Variants in KLRF2 observed in about 807,000 individuals in gnomAD.
The protein encoded by KLRF2 is killer cell lectin like receptor F2, also known as killer cell lectin-like receptor subfamily F member 2.
A neutral mutation model predicts 25.3 loss-of-function variants in KLRF2; 28 were observed. That is an observed-to-expected ratio of 1.11 (90% CI 0.82 to 1.52). The LOEUF (loss-of-function observed/expected upper bound fraction) is 1.52. KLRF2 is among the 40% of genes most tolerant of loss of function. The probability of loss-of-function intolerance (pLI) is 0.00; values close to 1 mark genes in which losing one functional copy is unlikely to be tolerated. For missense variants in KLRF2, 265 were observed against 245.8 expected, an observed-to-expected ratio of 1.08 and a Z score of -0.52; for synonymous variants, 73 against 85.0, an observed-to-expected ratio of 0.86 and a Z score of 0.78.
Position 9,888,745 on chromosome 12 carries a change from A to G in KLRF2, c.182A>G (p.Asp61Gly). The change falls in exon 3 of 6, where the codon GAT (aspartate) becomes GGT (glycine). Residue 61 changes from aspartate to glycine, a missense_variant. Asp to Gly is a moderately conservative substitution (Grantham distance 94). Coordinates refer to ENST00000535540, the MANE Select transcript of KLRF2 (RefSeq NM_001190765.1). Reference sequence around the variant, plus strand: ...GCACTGAGTACAGATAAAAAAATGGATTTCTCCCAGAATGTAAACGTCAGC... The same window carrying G: ...GCACTGAGTACAGATAAAAAAATGGGTTTCTCCCAGAATGTAAACGTCAGC... The part of the protein sequence containing the change: ...IDLKFWHKKM[D>G]FSQNVNVSSL... 2 of 1,501,618 alleles carry G rather than the reference A, an allele frequency of 1.3e-6. No individual in the cohort carries two copies. Among genetic ancestry groups the G allele is most frequent in the Non-Finnish European group, 1.8e-6 (2 of 1,115,770 alleles). The allele number at this position is 1,501,618 out of a possible 1,614,324, so 93.0% of individuals were successfully genotyped here.
intron 3 of KLRF2, among the ~76,000 whole-genome samples, chr12:9,889,210 C>G (rs548657361): frequency 6.6e-6 from 1 of 152,228 alleles, no homozygotes; most frequent in South Asian, 2.1e-4. Context: ...GTTTTTTAAA[C>G]TTTCAAATGA....
At chr12:9,893,567 G>T (rs1016466770) in intron 5 of KLRF2, 26 bp downstream of exon 5, 3 of 873,774 alleles carry the variant, frequency 3.4e-6, no homozygotes, top group African/African-American at 1.7e-5. Flanking sequence ...TAAGGGAGGG[G>T]TGCTAATGTT....
intron 1 of KLRF2, among the ~76,000 whole-genome samples, chr12:9,882,026 G>A (rs1036847180): frequency 2.0e-5 from 3 of 151,684 alleles, no homozygotes; most frequent in East Asian, 1.9e-4. Flanking sequence ...ATATATTTAT[G>A]CTTATACATA....
chr12:9,889,255 T>G (rs905428916), intron 3 of KLRF2, among the ~76,000 whole-genome samples: 1 of 152,214 alleles, frequency 6.6e-6, no homozygotes, highest in Non-Finnish European at 1.5e-5. Context: ...ACAGAATATT[T>G]CATGTAGATT....
chr12:9,894,044 T>G (rs1388675444), intron 5 of KLRF2, among the ~76,000 whole-genome samples: 1 of 151,930 alleles, frequency 6.6e-6, no homozygotes, highest in African/African-American at 2.4e-5. Context: ...TTCTTTTTCT[T>G]TCTTTCTTTC....
chr12:9,890,320 G>A (rs1270225943), intron 3 of KLRF2, among the ~76,000 whole-genome samples: 4 of 152,164 alleles, frequency 2.6e-5, no homozygotes, highest in Admixed American at 6.5e-5. Flanking sequence ...GTCAGGGCAC[G>A]TTTAATTAAG....
chr12:9,892,949 C>T, intron 3 of KLRF2, 71 bp from the exon 4 acceptor site: 3 of 1,224,480 alleles, frequency 2.5e-6, no homozygotes, highest in Non-Finnish European at 3.3e-6. Flanking sequence ...CAAGTAGTCA[C>T]ATTTGATAAT....
chr12:9,895,673 G>C lies in KLRF2; in HGVS notation c.480-16G>C. On this transcript the variant is annotated splice_polypyrimidine_tract_variant and intron_variant, in intron 5 of 5. Coordinates refer to ENST00000535540, the MANE Select transcript of KLRF2 (RefSeq NM_001190765.1). ...TTTTAAGATAAATGCTGAAAAATCT[G>C]TCCTTTGTCTCTTAGGTTTTCAGTG... 1 of 1,504,546 alleles carries C rather than the reference G, an allele frequency of 6.6e-7. No homozygotes were observed. Among genetic ancestry groups the C allele is most frequent in the Non-Finnish European group, 8.8e-7 (1 of 1,136,404 alleles). The allele number at this position is 1,504,546 out of a possible 1,614,324, so 93.2% of individuals were successfully genotyped here. A position where few individuals can be genotyped will look rare whatever the true frequency, so the allele number is the denominator to read the frequency against.
At chr12:9,888,212 C>T (rs530789792) in intron 2 of KLRF2, among the ~76,000 whole-genome samples, 31 of 151,558 alleles carry the variant, frequency 2.0e-4, no homozygotes, top group African/African-American at 6.5e-4. Context: ...AATTGCAGGC[C>T]GGGCATGGTG....
intron 2 of KLRF2, among the ~76,000 whole-genome samples, 198 bp downstream of exon 2, chr12:9,885,230 C>A (rs913880132): frequency 6.6e-6 from 1 of 151,350 alleles, no homozygotes. Context: ...TATAAAGAAC[C>A]CCCAATAGAG....
chr12:9,884,811 C>T (rs1868132411), intron 1 of KLRF2, 123 bp from the exon 2 acceptor site: 4 of 379,358 alleles, frequency 1.1e-5, no homozygotes. Context: ...TTTAGATTTT[C>T]ATTTAATCAT....
intron 1 of KLRF2, among the ~76,000 whole-genome samples, chr12:9,883,092 G>A (rs1473719826): frequency 1.3e-5 from 2 of 152,182 alleles, no homozygotes; most frequent in African/African-American, 4.8e-5. Flanking sequence ...AAAAATTACT[G>A]TAGGCATGTT....
chr12:9,891,122 C>T (rs879675184), intron 3 of KLRF2, among the ~76,000 whole-genome samples: 53 of 149,462 alleles, frequency 3.5e-4, no homozygotes, highest in Admixed American at 6.0e-4. Context: ...TCTGAATTTT[C>T]CTTTTCATAT....
intron 3 of KLRF2, among the ~76,000 whole-genome samples, chr12:9,890,209 A>G (rs1408991853): frequency 6.6e-6 from 1 of 152,202 alleles, no homozygotes; most frequent in Non-Finnish European, 1.5e-5. Context: ...CAATCTCACT[A>G]TAACTCCTGC....
chr12:9,891,108 A>T (rs1862671599), intron 3 of KLRF2, among the ~76,000 whole-genome samples: 2 of 149,256 alleles, frequency 1.3e-5, no homozygotes, highest in Non-Finnish European at 3.0e-5. Flanking sequence ...ACAATTTCTC[A>T]TATTCTGAAT....
chr12:9,892,615 G>T (rs189202928), intron 3 of KLRF2, among the ~76,000 whole-genome samples: 6 of 117,728 alleles, frequency 5.1e-5, no homozygotes, highest in African/African-American at 2.0e-4. Context: ...ACAGAGTTTC[G>T]CTCTTGTTGC....
chr12:9,884,632 T>G (rs1868130841), intron 1 of KLRF2, among the ~76,000 whole-genome samples: 1 of 148,896 alleles, frequency 6.7e-6, no homozygotes, highest in South Asian at 2.1e-4. Context: ...ATAACAAATA[T>G]TTATATCATA....
At chr12:9,883,728 A>T (rs1868119049) in intron 1 of KLRF2, among the ~76,000 whole-genome samples, 1 of 152,216 alleles carries the variant, frequency 6.6e-6, no homozygotes, top group South Asian at 2.1e-4. Flanking sequence ...GGACTTAGTA[A>T]TACAGACAAT....
In KLRF2 at chr12:9,888,726, A is replaced by T. The variant is rs1364525686; in HGVS notation, c.170-7A>T. On this transcript the variant is annotated splice_polypyrimidine_tract_variant and splice_region_variant and intron_variant, in intron 2 of 5. Coordinates refer to ENST00000535540, the MANE Select transcript of KLRF2 (RefSeq NM_001190765.1). Reference sequence around the variant, plus strand: ...TTTCTCATATCTTTTCTTTGCACTGAGTACAGATAAAAAAATGGATTTCTC... The same window carrying T: ...TTTCTCATATCTTTTCTTTGCACTGTGTACAGATAAAAAAATGGATTTCTC... The T allele has an allele frequency of 1.4e-6, 2 of 1,459,996 alleles. No homozygotes were observed. The highest frequency in any genetic ancestry group is 3.9e-5 in the Admixed American group (2 of 50,848). 90.4% of individuals were successfully genotyped at this position (1,459,996 alleles called of 1,614,324 possible).
Sources: gnomAD v4.1 joint callset for allele counts (sites outside exome capture counted in the v4.1 genomes callset) on GRCh38, gnomAD v4.1.1 for gene constraint, MANE v1.5 for transcripts, NCBI Gene and HGNC (gene_info 2026-07-23, HGNC 2026-07-21) for gene names.